GABRB1: variants seen among roughly 807,000 people sequenced by gnomAD.
GABRB1 encodes gamma-aminobutyric acid receptor subunit beta-1.
GABRB1 carries 17 observed loss-of-function variants against 51.6 expected under a neutral mutation model. The observed-to-expected ratio is 0.33, with a 90% confidence interval of 0.23 to 0.49. The LOEUF is 0.49. GABRB1 is among the 20% of genes least tolerant of loss of function. The pLI, the probability that GABRB1 is intolerant of heterozygous loss-of-function variation, is 0.99. For synonymous variants in GABRB1, 247 were observed against 218.9 expected (o/e 1.13, Z -1.14); for missense variants, 410 against 600.6 (o/e 0.68, Z 3.32).
chr4:47,110,219 A>C (rs1448294397), intron 3 of GABRB1, among the ~76,000 whole-genome samples: 1 of 152,062 alleles, frequency 6.6e-6, no homozygotes. Context: ...ATTTACACAG[A>C]CCATCATCCC....
At chr4:47,243,278 T>C (rs1375426257) in intron 4 of GABRB1, among the ~76,000 whole-genome samples, 4 of 152,236 alleles carry the variant, frequency 2.6e-5, no homozygotes, top group Non-Finnish European at 4.4e-5. Flanking sequence ...CATGCTGTTT[T>C]GGTTACTGTA....
chr4:47,003,093 G>A (rs993714138), intron 1 of GABRB1, among the ~76,000 whole-genome samples: 2 of 152,028 alleles, frequency 1.3e-5, no homozygotes, highest in African/African-American at 4.8e-5. Context: ...AAAAAACTTT[G>A]TTCTTTTAGT....
At chr4:47,119,858 T>C (rs1370867141) in intron 3 of GABRB1, among the ~76,000 whole-genome samples, 1 of 151,704 alleles carries the variant, frequency 6.6e-6, no homozygotes, top group Non-Finnish European at 1.5e-5. Flanking sequence ...AACATAAAAC[T>C]ACTCAGTAGA....
At chr4:47,219,141 G>C (rs1720666627) in intron 4 of GABRB1, among the ~76,000 whole-genome samples, 2 of 151,826 alleles carry the variant, frequency 1.3e-5, no homozygotes, top group Admixed American at 1.3e-4. Context: ...TGAGAATCAA[G>C]TGAAATCAAA....
rs562259828 is a variant in GABRB1 at position 47,257,224 on chromosome 4, G to A, written c.462-62903G>A. On this transcript the variant is annotated intron_variant, in intron 4 of 8. Transcript: ENST00000295454. ...GTAGAATAGGACCTATCTATACAAC[G>A]TTTTCCTTCCTGGTTCCAGGGACCA... 8.5e-5 allele frequency among the ~76,000 whole-genome samples: 13 copies of A among 152,208 alleles called. No homozygotes were observed. In the East Asian group the frequency reaches 1.5e-3, roughly 18 times the overall value.
At chr4:47,377,435 G>A (rs866907629) in intron 5 of GABRB1, among the ~76,000 whole-genome samples, 16 of 151,932 alleles carry the variant, frequency 1.1e-4, no homozygotes, top group African/African-American at 3.6e-4. Context: ...GGTGGGGTTC[G>A]TGGTCTCGGT....
chr4:47,209,264 C>T (rs758786273), intron 4 of GABRB1, among the ~76,000 whole-genome samples: 1 of 152,100 alleles, frequency 6.6e-6, no homozygotes, highest in Non-Finnish European at 1.5e-5. Context: ...TGAGCCTTGA[C>T]AGCATTCATT....
intron 5 of GABRB1, among the ~76,000 whole-genome samples, chr4:47,386,280 C>T (rs1727792279): frequency 6.6e-6 from 1 of 152,102 alleles, no homozygotes; most frequent in African/African-American, 2.4e-5. Context: ...TATTTAAGAG[C>T]TCTGTGTCAG....
chr4:47,279,377 A>G (rs1723195372), intron 4 of GABRB1, among the ~76,000 whole-genome samples: 1 of 152,174 alleles, frequency 6.6e-6, no homozygotes, highest in African/African-American at 2.4e-5. Context: ...GACTGAATAG[A>G]GCAAAGTGCA....
In GABRB1 at chr4:47,092,554, G is replaced by C. The variant is rs749809670; in HGVS notation, c.240+60070G>C. On this transcript the variant is annotated intron_variant, in intron 3 of 8. Transcript: ENST00000295454. Reference sequence around the variant, plus strand: ...TGTATGAATAAATAAAGGAAAGAAGGAATTTGTGAATCTGAGGTCACTTTT... The same window carrying C: ...TGTATGAATAAATAAAGGAAAGAAGCAATTTGTGAATCTGAGGTCACTTTT... Among the ~76,000 whole-genome samples, 117 of 151,364 alleles carry C rather than the reference G, an allele frequency of 7.7e-4. 2 individuals are homozygous for C. Among genetic ancestry groups the C allele is most frequent in the Non-Finnish European group, 1.8e-4 (12 of 67,920 alleles).
chr4:47,025,505 T>A (rs1012375242), intron 1 of GABRB1, among the ~76,000 whole-genome samples: 1 of 151,952 alleles, frequency 6.6e-6, no homozygotes, highest in African/African-American at 2.4e-5. Context: ...AACTTGAATT[T>A]TTTTTCCACA....
chr4:47,048,087 T>C (rs1726178584), intron 3 of GABRB1, among the ~76,000 whole-genome samples: 1 of 152,172 alleles, frequency 6.6e-6, no homozygotes, highest in Non-Finnish European at 1.5e-5. Flanking sequence ...TCTTTCCTGA[T>C]GGAAAATTTT....
chr4:47,154,994 AT>A (rs1717625203), intron 3 of GABRB1, among the ~76,000 whole-genome samples: 1 of 152,058 alleles, frequency 6.6e-6, no homozygotes, highest in South Asian at 2.1e-4. Context: ...TAACAAGCAA[AT>A]TCCTGAGAAA....
At chr4:47,325,770 C>T (rs1560334442) in intron 5 of GABRB1, among the ~76,000 whole-genome samples, 1 of 152,204 alleles carries the variant, frequency 6.6e-6, no homozygotes. Context: ...TTTCTTGAGA[C>T]TCCTCCAATC....
At chr4:47,124,512 C>A (rs1384343541) in intron 3 of GABRB1, among the ~76,000 whole-genome samples, 1 of 152,066 alleles carries the variant, frequency 6.6e-6, no homozygotes, top group Non-Finnish European at 1.5e-5. Context: ...TGTAACTAAT[C>A]CTAAAGAAAC....
intron 4 of GABRB1, among the ~76,000 whole-genome samples, chr4:47,180,548 A>G (rs1718901117): frequency 1.3e-5 from 2 of 152,184 alleles, no homozygotes; most frequent in Admixed American, 1.3e-4. Context: ...AGTTATTTGG[A>G]TGCTTTTTAA....
chr4:47,370,169 A>T (rs1727137460), intron 5 of GABRB1, among the ~76,000 whole-genome samples: 1 of 152,172 alleles, frequency 6.6e-6, no homozygotes, highest in Non-Finnish European at 1.5e-5. Context: ...AATTTGGTTT[A>T]AAAAAATCTT....
chr4:47,292,834 A>T (rs1020488580), intron 4 of GABRB1, among the ~76,000 whole-genome samples: 2 of 152,168 alleles, frequency 1.3e-5, no homozygotes, highest in East Asian at 3.8e-4. Flanking sequence ...TGAGAGAGGG[A>T]GGGAGGGGGC....
At chr4:47,210,744 T>G (rs897252794) in intron 4 of GABRB1, among the ~76,000 whole-genome samples, 1 of 152,200 alleles carries the variant, frequency 6.6e-6, no homozygotes, top group African/African-American at 2.4e-5. Flanking sequence ...CCAGACACTG[T>G]GTCAGTTGTT....
Sources: allele counts gnomAD v4.1 joint callset (sites outside exome capture counted in the v4.1 genomes callset), GRCh38; gene constraint gnomAD v4.1.1; transcripts MANE v1.5; gene names NCBI Gene and HGNC (gene_info 2026-07-23, HGNC 2026-07-21).